The following CPLANE1 variants were observed in gnomAD, a reference collection of about 807,000 sequenced individuals.
CPLANE1 encodes the protein ciliogenesis and planar polarity effector 1.
In CPLANE1, 263 loss-of-function variants were observed where a neutral mutation model predicts 362.5. The ratio of observed to expected loss-of-function variants is 0.73; its 90% confidence interval spans 0.66 to 0.80. CPLANE1 has a LOEUF of 0.80. Ranked by LOEUF, CPLANE1 falls within the 30% of genes least tolerant of loss-of-function variation. The pLI is 0.00. For missense variants in CPLANE1, 3,461 were observed against 3,793.4 expected (o/e 0.91, Z 2.30); for synonymous variants, 1,212 against 1,302.6 (o/e 0.93, Z 1.50).
rs1795348719 is a variant in CPLANE1, at chr5:37,221,505, G to C, written c.2582-17C>G. The C allele has an allele frequency of 2.7e-6, 4 of 1,472,570 alleles. No homozygotes were observed. The highest frequency in any genetic ancestry group is 3.6e-6 in the Non-Finnish European group (4 of 1,115,200). 91.2% of individuals were successfully genotyped at this position (1,472,570 alleles called of 1,614,324 possible). ...TTCTTCCTCCTGAAACAAGAAGTAA[G>C]CTCACCTTAAAAGTATGTAAGCAAA... On this transcript the variant is annotated splice_polypyrimidine_tract_variant and intron_variant, in intron 14 of 52. Coordinates refer to ENST00000651892, the MANE Select transcript of CPLANE1 (RefSeq NM_001384732.1).
In CPLANE1 at chr5:37,162,578, T is replaced by G. The variant is rs767934439; in HGVS notation, c.7589-12A>C. On this transcript the variant is annotated splice_polypyrimidine_tract_variant and intron_variant, in intron 37 of 52. Coordinates refer to ENST00000651892, the MANE Select transcript of CPLANE1 (RefSeq NM_001384732.1). ...ATCTTGTAGCATTTCTTAAATATAA[T>G]AAAACATTGGAAGTAATCATTGAGA... The G allele has an allele frequency of 6.1e-5, 95 of 1,565,844 alleles. No individual in the cohort carries two copies. Among genetic ancestry groups the G allele is most frequent in the Non-Finnish European group, 7.9e-5 (90 of 1,137,888 alleles).
intron 15 of CPLANE1, among the ~76,000 whole-genome samples, chr5:37,218,146 C>T (rs181233547): frequency 1.3e-5 from 2 of 152,186 alleles, no homozygotes; most frequent in Admixed American, 6.5e-5. Context: ...TATCTGGGAA[C>T]TTGGATTTTG....
At position 37,184,789 on chromosome 5, in the gene CPLANE1, T is replaced by C; in HGVS notation, c.4480A>G (p.Arg1494Gly). The C allele has an allele frequency of 6.2e-7, 1 of 1,608,496 alleles. No homozygotes were observed. The highest frequency in any genetic ancestry group is 1.7e-5 in the Admixed American group (1 of 59,026). Residue 1494 changes from arginine (R) to glycine (G), a missense_variant and splice_region_variant, in exon 25 of 53, where the codon AGA (arginine) becomes GGA (glycine). Around this residue, in one of 2 missense-constraint regions of CPLANE1, gnomAD observed 3,380 missense variants for 3,666.1 expected, o/e 0.92. Transcript: ENST00000651892. The part of the protein sequence containing the change: ...EEKSRINIYQ[R>G]NAPNHMELTS... ...GTGATTAAAAGATCTCAATTGTACC[T>C]TTGATAGATATTTATCCTACTTTTT...
At chr5:37,225,141 C>CTT (rs1796173975) in intron 12 of CPLANE1, among the ~76,000 whole-genome samples, 1 of 151,880 alleles carries the variant, frequency 6.6e-6, no homozygotes, top group African/African-American at 2.4e-5. Context: ...TCCATCACAG[C>CTT]TTACTGTAGC....
At chr5:37,138,047 T>C (rs1768323904) in intron 46 of CPLANE1, among the ~76,000 whole-genome samples, 1 of 152,142 alleles carries the variant, frequency 6.6e-6, no homozygotes, top group South Asian at 2.1e-4. Context: ...TCTACAGATG[T>C]TTATTAGGTT....
chr5:37,085,200 A>C, the CPLANE1 span: 1 of 840,396 alleles, frequency 1.2e-6, no homozygotes, highest in Non-Finnish European at 2.1e-6. Flanking sequence ...CATTTTCCTA[A>C]GGAACAGACT....
chr5:37,211,918 A>G, intron 16 of CPLANE1: 1 of 795,738 alleles, frequency 1.3e-6, no homozygotes, highest in Non-Finnish European at 2.3e-6. Flanking sequence ...GATATGCTTC[A>G]TATGGGCGCA....
downstream of CPLANE1, among the ~76,000 whole-genome samples, chr5:37,101,507 T>C (rs1361169099): frequency 6.6e-6 from 1 of 152,242 alleles, no homozygotes; most frequent in Non-Finnish European, 1.5e-5. Context: ...TTTGCCAGTA[T>C]TAATGTTATT....
Position 37,153,748 on chromosome 5 carries a change from A to T in CPLANE1, c.8365T>A (p.Cys2789Ser), listed in dbSNP as rs1222784721. The change falls in exon 42 of 53, where the codon TGT (cysteine) becomes AGT (serine). Residue 2789 changes from cysteine (C) to serine (S), a missense_variant. Physicochemically the swap from Cys to Ser is moderately radical, Grantham distance 112. Around this residue, in one of 2 missense-constraint regions of CPLANE1, gnomAD observed 3,380 missense variants for 3,666.1 expected, o/e 0.92. Coordinates refer to ENST00000651892, the MANE Select transcript of CPLANE1 (RefSeq NM_001384732.1). ...FPKPEMLDLH[C>S]DKIGPVDHIE... The stretch of plus-strand genomic sequence containing the variant: ...AAATAAAGGTAGTCTACCTTATCAC[A>T]ATGTAGATCTAGCATTTCAGGCTTG... The T allele has an allele frequency of 1.2e-6, 2 of 1,610,158 alleles. No individual in the cohort carries two copies. Among genetic ancestry groups the T allele is most frequent in the African/African-American group, 2.7e-5 (2 of 74,896 alleles).
chr5:37,157,911 T>C, intron 39 of CPLANE1, 43 bp from the exon 40 acceptor site: 1 of 929,420 alleles, frequency 1.1e-6, no homozygotes, highest in East Asian at 3.4e-5. Context: ...ACATTCTTTT[T>C]ACTCTATGTG....
At chr5:37,170,866 G>A (rs1338101084) in intron 32 of CPLANE1, among the ~76,000 whole-genome samples, 3 of 152,204 alleles carry the variant, frequency 2.0e-5, no homozygotes, top group African/African-American at 7.2e-5. Context: ...AACCAGGGAG[G>A]CGGAGGTTAC....
intron 9 of CPLANE1, 81 bp downstream of exon 9, chr5:37,230,786 A>AT (rs949296284): frequency 3.5e-5 from 34 of 978,962 alleles, no homozygotes; most frequent in African/African-American, 1.4e-4. Flanking sequence ...GAAAGATGAA[A>AT]TTTTTTTTGA....
the CPLANE1 span, among the ~76,000 whole-genome samples, chr5:37,093,377 C>G: frequency 1.3e-5 from 2 of 152,204 alleles, no homozygotes; most frequent in Admixed American, 1.3e-4. Flanking sequence ...ATAAGCATAT[C>G]TGTGTCACTT....
the CPLANE1 span, among the ~76,000 whole-genome samples, chr5:37,101,068 T>C: frequency 6.6e-6 from 1 of 152,224 alleles, no homozygotes; most frequent in Non-Finnish European, 1.5e-5. Context: ...AAAGATAATT[T>C]AACTTCCTCT....
intron 21 of CPLANE1, among the ~76,000 whole-genome samples, chr5:37,190,268 AT>A (rs550617496): frequency 1.0e-3 from 157 of 152,160 alleles, no homozygotes; most frequent in Admixed American, 1.6e-3. Context: ...GGAAACTTTT[AT>A]AGATTAAGAT....
At chr5:37,241,922 A>G (rs1009951430) in intron 6 of CPLANE1, among the ~76,000 whole-genome samples, 3 of 152,046 alleles carry the variant, frequency 2.0e-5, no homozygotes, top group African/African-American at 4.8e-5. Flanking sequence ...CCACCACCAC[A>G]CTCAGCCAAG....
In CPLANE1 at chr5:37,226,559, T is replaced by G; in HGVS notation, c.2036A>C (p.Gln679Pro). 6.5e-7 allele frequency: 1 copy of G among 1,549,806 alleles called. No homozygotes were observed. Among genetic ancestry groups the G allele is most frequent in the East Asian group, 2.4e-5 (1 of 40,862 alleles). Reference sequence around the variant, plus strand: ...AGCTAAAAGTTTCTCTGAGAATAACTGACCCTTTTGTTGCTGAGTCAGCAA... The same window carrying G: ...AGCTAAAAGTTTCTCTGAGAATAACGGACCCTTTTGTTGCTGAGTCAGCAA... Reference protein sequence around the residue: ...KLLLTQQQKGQLFSEKLLACF... With the variant: ...KLLLTQQQKGPLFSEKLLACF... Residue 679 changes from glutamine to proline, a missense_variant, in exon 12 of 53, where the codon CAG becomes CCG. Coordinates refer to ENST00000651892, the MANE Select transcript of CPLANE1 (RefSeq NM_001384732.1).
chr5:37,093,720 C>G, the CPLANE1 span, among the ~76,000 whole-genome samples: 16,349 of 152,210 alleles, frequency 0.11, 1,203 homozygotes, highest in East Asian at 0.37. Context: ...TACATCTGCA[C>G]TCTCCAATCA....
In CPLANE1 at chr5:37,107,209, ATT is replaced by A; in HGVS notation, c.*391_*392del. On this transcript the variant is annotated 3_prime_UTR_variant, in exon 53 of 53. Transcript: ENST00000651892. The stretch of plus-strand genomic sequence containing the variant: ...GACTGATTTTCTTCTCAATGAAAAG[ATT>A]TTTTTTTTTCCTATTAGATTCATCT... 2.4e-6 allele frequency: 2 copies of A among 834,984 alleles called. No homozygotes were observed. The allele number at this position is 834,984 out of a possible 1,614,324, so 51.7% of individuals were successfully genotyped here.
Sources: gnomAD v4.1 joint callset for allele counts (sites outside exome capture counted in the v4.1 genomes callset) on GRCh38, gnomAD v4.1.1 for gene constraint, gnomAD v4.1.1 regional missense constraint, MANE v1.5 for transcripts, NCBI Gene and HGNC (gene_info 2026-07-23, HGNC 2026-07-21) for gene names.